The following SGCZ variants were observed in gnomAD, a reference collection of about 807,000 sequenced individuals.
SGCZ encodes sarcoglycan zeta, also known as zeta-sarcoglycan.
Under a neutral mutation model 41.3 loss-of-function variants are expected in SGCZ, and 40 were observed. The ratio of observed to expected loss-of-function variants is 0.97; its 90% CI spans 0.75 to 1.26. SGCZ has a LOEUF of 1.26. Ranked by LOEUF, SGCZ falls within the 50% of genes most tolerant of loss-of-function variation. The pLI, the probability that SGCZ is intolerant of heterozygous loss-of-function variation, is 0.00. For missense variants in SGCZ, 552 were observed against 369.8 expected, an observed-to-expected ratio of 1.49 and a Z score of -4.04; for synonymous variants, 206 against 137.5, an observed-to-expected ratio of 1.50 and a Z score of -3.49.
chr8:14,869,107 A>C (rs1804048489), intron 1 of SGCZ, among the ~76,000 whole-genome samples: 1 of 152,134 alleles, frequency 6.6e-6, no homozygotes. Context: ...CATCATTCTG[A>C]TACCCAAACC....
chr8:14,480,691 T>A (rs2117003954), intron 2 of SGCZ, among the ~76,000 whole-genome samples: 1 of 152,186 alleles, frequency 6.6e-6, no homozygotes, highest in East Asian at 1.9e-4. Context: ...TATAAACTTC[T>A]TGAATATTAA....
At chr8:14,508,613 T>A (rs529609204) in intron 2 of SGCZ, among the ~76,000 whole-genome samples, 2 of 152,234 alleles carry the variant, frequency 1.3e-5, no homozygotes, top group African/African-American at 2.4e-5. Context: ...CCTTGGTGGG[T>A]CACTAACTTT....
At chr8:14,490,021 C>T (rs2117026628) in intron 2 of SGCZ, among the ~76,000 whole-genome samples, 1 of 152,112 alleles carries the variant, frequency 6.6e-6, no homozygotes, top group East Asian at 1.9e-4. Flanking sequence ...GTGCATGCCA[C>T]CACGCCCAGC....
chr8:14,815,651 A>C (rs867497571), intron 1 of SGCZ, among the ~76,000 whole-genome samples: 1 of 152,320 alleles, frequency 6.6e-6, no homozygotes, highest in East Asian at 1.9e-4. Context: ...TGTTCAAACT[A>C]CTATGTCATT....
chr8:14,340,371 A>G (rs1802659624), intron 2 of SGCZ, among the ~76,000 whole-genome samples: 1 of 152,158 alleles, frequency 6.6e-6, no homozygotes, highest in African/African-American at 2.4e-5. Flanking sequence ...TTGTTTTACA[A>G]GCATTCCCTT....
intron 1 of SGCZ, among the ~76,000 whole-genome samples, chr8:15,208,056 C>G (rs1348499554): frequency 6.6e-6 from 1 of 152,132 alleles, no homozygotes; most frequent in East Asian, 1.9e-4. Context: ...TTTTATGTGT[C>G]TACTAAATAT....
intron 3 of SGCZ, among the ~76,000 whole-genome samples, chr8:14,239,763 G>T (rs1269912897): frequency 6.7e-6 from 1 of 149,886 alleles, no homozygotes; most frequent in East Asian, 2.0e-4. Context: ...TTAGCCGGGC[G>T]TAGTGGCGGG....
At chr8:14,341,476 G>C (rs535228710) in intron 2 of SGCZ, among the ~76,000 whole-genome samples, 1 of 152,066 alleles carries the variant, frequency 6.6e-6, no homozygotes, top group Non-Finnish European at 1.5e-5. Flanking sequence ...ATCCTAATGG[G>C]TGTGAAGTGG....
At chr8:14,794,589 A>G (rs1186343713) in intron 1 of SGCZ, among the ~76,000 whole-genome samples, 1 of 152,210 alleles carries the variant, frequency 6.6e-6, no homozygotes, top group East Asian at 1.9e-4. Flanking sequence ...CATTCATATA[A>G]AAGTATTTCC....
intron 2 of SGCZ, among the ~76,000 whole-genome samples, chr8:14,394,577 T>C (rs10093905): frequency 0.072 from 10,986 of 152,204 alleles, 687 homozygotes; most frequent in African/African-American, 0.16. Context: ...GAGCCTTTTC[T>C]AGCATTCTCA....
rs550141372 is a variant in SGCZ, at chr8:14,685,054, T to G, written c.40-130128A>C. On this transcript the variant is annotated intron_variant, in intron 1 of 7. Coordinates refer to ENST00000382080, the MANE Select transcript of SGCZ (RefSeq NM_139167.4). Reference sequence around the variant, plus strand: ...ATTAATTTGAAATCTGTAGAGCAAGTCTTCAGCCTCTTGACTGTACCATGA... The same window carrying G: ...ATTAATTTGAAATCTGTAGAGCAAGGCTTCAGCCTCTTGACTGTACCATGA... Among the ~76,000 whole-genome samples, 6 of 152,272 alleles carry G rather than the reference T, an allele frequency of 3.9e-5. No homozygotes were observed. In the South Asian group the frequency reaches 1.0e-3, roughly 26 times the overall value.
intron 3 of SGCZ, among the ~76,000 whole-genome samples, chr8:14,318,910 C>T (rs1585357484): frequency 6.7e-6 from 1 of 148,710 alleles, no homozygotes; most frequent in African/African-American, 2.5e-5. Context: ...GATTGTAGAC[C>T]AAAGGAAAAT....
At chr8:14,305,125 TA>T (rs1197690308) in intron 3 of SGCZ, among the ~76,000 whole-genome samples, 5 of 152,178 alleles carry the variant, frequency 3.3e-5, no homozygotes, top group Non-Finnish European at 7.4e-5. Context: ...GTACATATCT[TA>T]TTTTACTGAT....
chr8:15,045,141 T>A (rs2130984378), intron 1 of SGCZ, among the ~76,000 whole-genome samples: 1 of 152,126 alleles, frequency 6.6e-6, no homozygotes, highest in South Asian at 2.1e-4. Context: ...TATTTGGCAT[T>A]GTAAAATACC....
At chr8:14,262,890 T>C (rs909087490) in intron 3 of SGCZ, among the ~76,000 whole-genome samples, 1 of 150,318 alleles carries the variant, frequency 6.7e-6, no homozygotes. Context: ...AAATCTTATA[T>C]ATTTAAGCAC....
At chr8:14,520,370 T>C (rs1176821951) in intron 2 of SGCZ, among the ~76,000 whole-genome samples, 2 of 152,104 alleles carry the variant, frequency 1.3e-5, no homozygotes, top group African/African-American at 4.8e-5. Context: ...ACCAGCCCAG[T>C]AAAACTTGGG....
chr8:14,926,938 C>T (rs1311657218), intron 1 of SGCZ, among the ~76,000 whole-genome samples: 2 of 151,838 alleles, frequency 1.3e-5, no homozygotes, highest in African/African-American at 2.4e-5. Context: ...CACACCTGGC[C>T]GACACTTTGA....
In SGCZ at chr8:14,554,929, G is replaced by T. The variant is rs1271168517; in HGVS notation, c.40-3C>A. 6.9e-7 allele frequency: 1 copy of T among 1,459,814 alleles called. No individual in the cohort carries two copies. The highest frequency in any genetic ancestry group is 9.1e-7 in the Non-Finnish European group (1 of 1,099,344). The allele number at this position is 1,459,814 out of a possible 1,614,324, so 90.4% of individuals were successfully genotyped here. A position where few individuals can be genotyped will look rare whatever the true frequency, so the allele number is the denominator to read the frequency against. ...AGTATGTATTGTTCTCGTGTCATCT[G>T]AAAAAGAAAAAAGAAAGAAAGAGAA... On this transcript the variant is annotated splice_region_variant and splice_polypyrimidine_tract_variant and intron_variant, in intron 1 of 7. Transcript: ENST00000382080.
At chr8:15,128,407 A>G (rs1405823128) in intron 1 of SGCZ, among the ~76,000 whole-genome samples, 1 of 152,106 alleles carries the variant, frequency 6.6e-6, no homozygotes, top group South Asian at 2.1e-4. Context: ...CTCAGCTCCC[A>G]CTGCTGGGGA....
Sources: allele counts gnomAD v4.1 joint callset (sites outside exome capture counted in the v4.1 genomes callset), GRCh38; gene constraint gnomAD v4.1.1; transcripts MANE v1.5; gene names NCBI Gene and HGNC (gene_info 2026-07-23, HGNC 2026-07-21).